The following DCUN1D2 variants were observed in gnomAD, a reference collection of about 807,000 sequenced individuals.
DCUN1D2 encodes the protein defective in cullin neddylation 1 domain containing 2.
DCUN1D2 carries 29 observed loss-of-function variants against 30.9 expected under a neutral mutation model. That is an observed-to-expected ratio of 0.94 (90% CI 0.70 to 1.28). The LOEUF (loss-of-function observed/expected upper bound fraction) is 1.28, where lower values mean the gene tolerates loss of function less well. Ranked by LOEUF, DCUN1D2 falls within the 50% of genes most tolerant of loss-of-function variation. The probability of loss-of-function intolerance (pLI) is 0.00; values close to 1 mark genes in which losing one functional copy is unlikely to be tolerated. For missense variants in DCUN1D2, 325 were observed against 316.9 expected (o/e 1.03, Z -0.19); for synonymous variants, 121 against 115.3 (o/e 1.05, Z -0.32).
chr13:113,470,577 ACAGGGAACCCAAC>A (rs2044485473), intron 4 of DCUN1D2, among the ~76,000 whole-genome samples: 1 of 151,958 alleles, frequency 6.6e-6, no homozygotes, highest in Non-Finnish European at 1.5e-5. Context: ...ACTCAACTCC[ACAGGGAACCCAAC>A]TCCAGAAGAC....
intron 4 of DCUN1D2, among the ~76,000 whole-genome samples, chr13:113,463,504 C>A (rs534645588): frequency 1.3e-5 from 2 of 150,592 alleles, no homozygotes; most frequent in South Asian, 4.2e-4. Context: ...CCAGCCTGGG[C>A]AACAGAGCAA....
In DCUN1D2 at chr13:113,456,414, G is replaced by A; in HGVS notation, c.*1615C>T. On this transcript the variant is annotated 3_prime_UTR_variant, in exon 7 of 7. Transcript: ENST00000478244. ...CCATCAGATGTTCCTGAAGCCCAGGGTAAGTCCTGTTCTCAGAAGCCAACC... is the reference window on the plus strand; with the variant it reads ...CCATCAGATGTTCCTGAAGCCCAGGATAAGTCCTGTTCTCAGAAGCCAACC... 2 of 398,890 alleles carry A rather than the reference G, an allele frequency of 5.0e-6. No individual in the cohort carries two copies. The highest frequency in any genetic ancestry group is 8.8e-6 in the Non-Finnish European group (2 of 226,242). The allele number at this position is 398,890 out of a possible 1,614,324, so 24.7% of individuals were successfully genotyped here.
intron 6 of DCUN1D2, among the ~76,000 whole-genome samples, chr13:113,459,084 T>C (rs1304318636): frequency 6.6e-6 from 1 of 152,214 alleles, no homozygotes; most frequent in Non-Finnish European, 1.5e-5. Context: ...TCTCTAACTC[T>C]TCACATCCAA....
At chr13:113,484,538 A>G (rs1228317546) in intron 1 of DCUN1D2, among the ~76,000 whole-genome samples, 1 of 152,218 alleles carries the variant, frequency 6.6e-6, no homozygotes, top group Non-Finnish European at 1.5e-5. Context: ...GAAAATGTAC[A>G]CAAATAACTA....
At chr13:113,460,833 G>A (rs1396126241) in intron 5 of DCUN1D2, among the ~76,000 whole-genome samples, 1 of 152,210 alleles carries the variant, frequency 6.6e-6, no homozygotes, top group Non-Finnish European at 1.5e-5. Context: ...AAGAAGCCAC[G>A]TTCTGAGGAG....
Position 113,459,391 on chromosome 13 carries a change from T to G in DCUN1D2, c.621A>C (p.Ser207=). ...NTFLMEHHKR[S]IPRDTWNLLL... ...GGAGGTTCCAGGTGTCCCTTGGAAT[T>G]GATCTTTTGTGATGTTCCTAATATA... The change falls in exon 6 of 7, where the codon TCA becomes TCC. Residue 207 remains serine, a synonymous_variant. Transcript: ENST00000478244. The G allele has an allele frequency of 2.6e-6, 4 of 1,566,946 alleles. No homozygotes were observed. Among genetic ancestry groups the G allele is most frequent in the Non-Finnish European group, 3.5e-6 (4 of 1,137,164 alleles).
Position 113,458,033 on chromosome 13 carries a change from A to G in DCUN1D2, c.776T>C (p.Phe259Ser), listed in dbSNP as rs1192129126. The G allele has an allele frequency of 6.2e-7, 1 of 1,613,890 alleles. No homozygotes were observed. Among genetic ancestry groups the G allele is most frequent in the Non-Finnish European group, 8.5e-7 (1 of 1,179,748 alleles). The change falls in exon 7 of 7, where the codon TTC becomes TCC. Residue 259 changes from phenylalanine (F) to serine (S), a missense_variant. By Grantham distance (155) the Phe-to-Ser change is radical. Transcript: ENST00000478244. ...PVVTGGKRSLF is the reference protein window; with the variant it reads ...PVVTGGKRSLS ...TACTCCTGCTTAACTTGCTGCCTAG[A>G]AAAGGCTGCGTTTTCCACCTGTGAC...
intron 4 of DCUN1D2, among the ~76,000 whole-genome samples, chr13:113,467,375 A>G (rs1384272382): frequency 6.6e-6 from 1 of 152,168 alleles, no homozygotes; most frequent in Non-Finnish European, 1.5e-5. Context: ...CAATTTTGAA[A>G]CTGGTCTGTG....
intron 2 of DCUN1D2, 40 bp downstream of exon 2, chr13:113,483,800 A>G: frequency 6.3e-7 from 1 of 1,593,530 alleles, no homozygotes; most frequent in East Asian, 2.2e-5. Context: ...CCGCTCGCGG[A>G]GGCCGACATC....
At position 113,484,061 on chromosome 13, in the gene DCUN1D2, G is replaced by C. The variant is rs1488526023; in HGVS notation, c.4-5C>G. ...CTGAGACGATTTAAGCTTATGCTTT[G>C]GGATGCAAAAGAAGTAGGAAAGCCA... On this transcript the variant is annotated splice_polypyrimidine_tract_variant and splice_region_variant and intron_variant, in intron 1 of 6. Coordinates refer to ENST00000478244, the MANE Select transcript of DCUN1D2 (RefSeq NM_001014283.2). 1.2e-6 allele frequency: 2 copies of C among 1,613,082 alleles called. No homozygotes were observed. Among genetic ancestry groups the C allele is most frequent in the East Asian group, 2.2e-5 (1 of 44,880 alleles).
rs570372137 is a variant in DCUN1D2 at position 113,455,894 on chromosome 13, A to G, written c.*2135T>C. 2.7e-4 allele frequency: 64 copies of G among 238,078 alleles called. No homozygotes were observed. In the East Asian group the frequency reaches 5.1e-3, roughly 19 times the overall value. 14.7% of individuals were successfully genotyped at this position (238,078 alleles called of 1,614,324 possible). ...AGGACTCAAATGGATACAACAGAAG[A>G]AAAAAACCCACAATTTTTGGAAAAG... On this transcript the variant is annotated 3_prime_UTR_variant, in exon 7 of 7. Coordinates refer to ENST00000478244, the MANE Select transcript of DCUN1D2 (RefSeq NM_001014283.2).
rs2044758387 is a variant in DCUN1D2, at chr13:113,484,020, G to T, written c.40C>A (p.Gln14Lys). The T allele has an allele frequency of 6.2e-7, 1 of 1,614,090 alleles. No homozygotes were observed. Among genetic ancestry groups the T allele is most frequent in the South Asian group, 1.1e-5 (1 of 91,086 alleles). Residue 14 changes from glutamine (Q) to lysine (K), a missense_variant, in exon 2 of 7, where the codon CAG becomes AAG. Gln to Lys is a moderately conservative substitution (Grantham distance 53). Coordinates refer to ENST00000478244, the MANE Select transcript of DCUN1D2 (RefSeq NM_001014283.2). The stretch of plus-strand genomic sequence containing the variant: ...CCAGCCTGAGTGCACGCCATAAACT[G>T]GCGGACCTTGTCCTTCTGAGACGAT... ...LKSSQKDKVR[Q>K]FMACTQAGER...
intron 4 of DCUN1D2, among the ~76,000 whole-genome samples, chr13:113,465,060 AT>A: frequency 6.6e-6 from 1 of 152,312 alleles, no homozygotes; most frequent in South Asian, 2.1e-4. Context: ...TCTTTTAAAC[AT>A]TTTTCCATGT....
intron 3 of DCUN1D2, among the ~76,000 whole-genome samples, chr13:113,476,595 A>G (rs912026559): frequency 3.3e-5 from 5 of 152,226 alleles, no homozygotes; most frequent in African/African-American, 7.2e-5. Context: ...TTCACACACA[A>G]CATGGATTGC....
At position 113,456,500 on chromosome 13, in the gene DCUN1D2, C is replaced by G; in HGVS notation, c.*1529G>C. The G allele has an allele frequency of 2.5e-6, 1 of 398,012 alleles. No homozygotes were observed. The highest frequency in any genetic ancestry group is 4.4e-6 in the Non-Finnish European group (1 of 226,010). 24.7% of individuals were successfully genotyped at this position (398,012 alleles called of 1,614,324 possible). On this transcript the variant is annotated 3_prime_UTR_variant, in exon 7 of 7. Transcript: ENST00000478244. ...AGCTAGGTCATCTGCGGCGACTCTCCTCTGTGCTGGGCAGCAGCTCCAGCT... is the reference window on the plus strand; with the variant it reads ...AGCTAGGTCATCTGCGGCGACTCTCGTCTGTGCTGGGCAGCAGCTCCAGCT...
In DCUN1D2 at chr13:113,459,223, T is replaced by C. The variant is rs548289704; in HGVS notation, c.700+89A>G. 17 of 745,492 alleles carry C rather than the reference T, an allele frequency of 2.3e-5. No individual in the cohort carries two copies. In the South Asian group the frequency reaches 2.4e-4, roughly 10 times the overall value. The allele number at this position is 745,492 out of a possible 1,614,324, so 46.2% of individuals were successfully genotyped here. A position where few individuals can be genotyped will look rare whatever the true frequency, so the allele number is the denominator to read the frequency against. On this transcript the variant is annotated intron_variant, in intron 6 of 6. Coordinates refer to ENST00000478244, the MANE Select transcript of DCUN1D2 (RefSeq NM_001014283.2). ...AGTATTATGACCACGCCCATCTCAG[T>C]GACGGGGTCACCACTCTAGAGGCAG...
intron 6 of DCUN1D2, among the ~76,000 whole-genome samples, chr13:113,458,634 A>C (rs1442386271): frequency 6.6e-6 from 1 of 152,178 alleles, no homozygotes; most frequent in Non-Finnish European, 1.5e-5. Context: ...ACAAGCATTT[A>C]CTGGGTGCCC....
Position 113,480,759 on chromosome 13 carries a change from G to T in DCUN1D2, c.221-16C>A, listed in dbSNP as rs758814846. ...TCTTGTGGATCTGTAGTTAATATCAGGGGAAAAGGAAGTTATACTATTTTG... is the reference window on the plus strand; with the variant it reads ...TCTTGTGGATCTGTAGTTAATATCATGGGAAAAGGAAGTTATACTATTTTG... On this transcript the variant is annotated splice_polypyrimidine_tract_variant and intron_variant, in intron 2 of 6. Transcript: ENST00000478244. 1 of 1,611,786 alleles carries T rather than the reference G, an allele frequency of 6.2e-7. No homozygotes were observed. The highest frequency in any genetic ancestry group is 1.7e-5 in the Admixed American group (1 of 59,342).
intron 6 of DCUN1D2, 33 bp downstream of exon 6, chr13:113,459,279 T>G (rs1437138744): frequency 2.5e-6 from 3 of 1,177,784 alleles, no homozygotes; most frequent in South Asian, 1.2e-5. Flanking sequence ...TGTAAGCATT[T>G]CGGTCAATCA....
Sources: allele counts gnomAD v4.1 joint callset (sites outside exome capture counted in the v4.1 genomes callset), GRCh38; gene constraint gnomAD v4.1.1; transcripts MANE v1.5; gene names NCBI Gene and HGNC (gene_info 2026-07-23, HGNC 2026-07-21).